The following E2F7 variants were observed in gnomAD, a reference collection of about 807,000 sequenced individuals.
E2F7 encodes transcription factor E2F7.
A neutral mutation model predicts 81.1 loss-of-function variants in E2F7; 35 were observed. That is an observed-to-expected ratio of 0.43 (90% CI 0.33 to 0.57). The LOEUF (loss-of-function observed/expected upper bound fraction) is 0.57, where lower values mean the gene tolerates loss of function less well. Ranked by LOEUF, E2F7 falls within the 20% of genes least tolerant of loss-of-function variation. The probability of loss-of-function intolerance (pLI) is 0.04; values close to 1 mark genes in which losing one functional copy is unlikely to be tolerated. For missense variants in E2F7, 961 were observed against 1,093.7 expected (o/e 0.88, Z 1.71); for synonymous variants, 416 against 416.2 (o/e 1.00, Z 0.01).
At chr12:77,057,238 C>A (rs889765439) in intron 2 of E2F7, among the ~76,000 whole-genome samples, 1 of 151,816 alleles carries the variant, frequency 6.6e-6, no homozygotes, top group Non-Finnish European at 1.5e-5. Context: ...CTGCACCCAG[C>A]TAATTTTTAA....
At chr12:77,042,018 A>C (rs935882280) in intron 7 of E2F7, among the ~76,000 whole-genome samples, 6 of 152,212 alleles carry the variant, frequency 3.9e-5, no homozygotes, top group Non-Finnish European at 8.8e-5. Context: ...GCTATCAGGA[A>C]AACTTCATAG....
chr12:77,044,941 C>G (rs1592561648), intron 5 of E2F7, 146 bp from the exon 6 acceptor site: 1 of 922,880 alleles, frequency 1.1e-6, no homozygotes, highest in East Asian at 2.7e-5. Flanking sequence ...ATACACATCA[C>G]AGAAGTCAGC....
chr12:77,032,484 A>G (rs1006762255), intron 9 of E2F7, among the ~76,000 whole-genome samples: 19 of 152,158 alleles, frequency 1.2e-4, no homozygotes, highest in Middle Eastern at 3.2e-3. Flanking sequence ...CTCTGGTGAC[A>G]CATGATTTCT....
intron 2 of E2F7, among the ~76,000 whole-genome samples, chr12:77,063,533 A>G (rs149209471): frequency 0.035 from 5,183 of 149,614 alleles, 128 homozygotes; most frequent in Non-Finnish European, 0.051. Flanking sequence ...ACTAATGGCA[A>G]TCTGGTTCAC....
chr12:77,045,927 T>C, intron 5 of E2F7, 111 bp downstream of exon 5: 1 of 1,344,718 alleles, frequency 7.4e-7, no homozygotes, highest in South Asian at 1.4e-5. Flanking sequence ...TAAGAGAACA[T>C]CTCCCTCCAG....
chr12:77,051,272 T>C (rs182117861), intron 3 of E2F7, among the ~76,000 whole-genome samples: 9 of 152,316 alleles, frequency 5.9e-5, no homozygotes, highest in African/African-American at 2.2e-4. Context: ...TATTTGTAAA[T>C]ACATTAAACT....
intron 7 of E2F7, among the ~76,000 whole-genome samples, chr12:77,034,328 C>T (rs1387891374): frequency 1.3e-5 from 2 of 151,908 alleles, no homozygotes; most frequent in Non-Finnish European, 2.9e-5. Context: ...TTCTTCAACC[C>T]GAATTAGAAT....
rs202120365 is a variant in E2F7 at position 77,024,009 on chromosome 12, G to C, written c.*6C>G. ...TGATCCCACCCCCACCTGGCAAAGC[G>C]GCAGGTTAGTCAGCGCCGCCGCTGG... On this transcript the variant is annotated 3_prime_UTR_variant, in exon 13 of 13. Transcript: ENST00000322886. 1,546 of 1,612,480 alleles carry C rather than the reference G, an allele frequency of 9.6e-4. 8 individuals carry two copies. In the South Asian group the frequency reaches 0.01, roughly 11 times the overall value.
intron 2 of E2F7, among the ~76,000 whole-genome samples, chr12:77,062,188 A>G (rs896568850): frequency 1.1e-4 from 17 of 152,184 alleles, no homozygotes; most frequent in Admixed American, 2.6e-4. Context: ...CAAAAACTCA[A>G]TGTGGGGAGT....
intron 2 of E2F7, among the ~76,000 whole-genome samples, chr12:77,057,432 ACT>A (rs913147433): frequency 2.0e-5 from 3 of 151,544 alleles, no homozygotes; most frequent in Admixed American, 6.6e-5. Context: ...TTCATCTCAA[ACT>A]CCTGGCTTCA....
intron 3 of E2F7, among the ~76,000 whole-genome samples, chr12:77,052,836 A>G (rs1298038610): frequency 6.6e-6 from 1 of 152,184 alleles, no homozygotes; most frequent in Non-Finnish European, 1.5e-5. Context: ...AAAAAAACCA[A>G]TTAAAATTGG....
Position 77,025,830 on chromosome 12 carries a change from G to A in E2F7, c.2293C>T (p.Pro765Ser), listed in dbSNP as rs765595160. ...PFPVLYSPAM[P>S]GPVSSTLGAL... ...CCAAGAGTAGAAGAAACCGGGCCCG[G>A]CATTGCAGGAGAATAGAGAACAGGA... is the stretch of plus-strand genomic sequence containing the variant. The change falls in exon 12 of 13, where the codon CCG becomes TCG. Residue 765 changes from proline to serine, a missense_variant. Pro to Ser is a moderately conservative substitution (Grantham distance 74). Transcript: ENST00000322886. The A allele has an allele frequency of 1.2e-6, 2 of 1,614,054 alleles. No homozygotes were observed. Among genetic ancestry groups the A allele is most frequent in the Non-Finnish European group, 1.7e-6 (2 of 1,179,986 alleles).
rs1955027473 is a variant in E2F7 at position 77,055,862 on chromosome 12, G to C, written c.362C>G (p.Ser121Cys). ...IENKDDAFTD[S>C]LQLDVVGDSA... ...GGAGCACAGTCTGTTTACCTGTAGAGAATCTGTAAATGCATCGTCCTTGTT... is the reference window on the plus strand; with the variant it reads ...GGAGCACAGTCTGTTTACCTGTAGACAATCTGTAAATGCATCGTCCTTGTT... The change falls in exon 3 of 13, where the codon TCT (serine) becomes TGT (cysteine). Residue 121 changes from serine (S) to cysteine (C), a missense_variant. By Grantham distance (112) the Ser-to-Cys change is moderately radical (BLOSUM62 -1). This residue lies in a region of E2F7 where 301 missense variants were observed against 405.0 expected (regional missense o/e 0.74). Coordinates refer to ENST00000322886, the MANE Select transcript of E2F7 (RefSeq NM_203394.3). 1.2e-6 allele frequency: 2 copies of C among 1,608,820 alleles called. No individual in the cohort carries two copies. Among genetic ancestry groups the C allele is most frequent in the East Asian group, 2.2e-5 (1 of 44,844 alleles).
At chr12:77,025,497 GC>G in intron 12 of E2F7, 60 bp downstream of exon 12, 1 of 1,566,306 alleles carries the variant, frequency 6.4e-7, no homozygotes, top group Non-Finnish European at 8.7e-7. Flanking sequence ...TAAAATGAAA[GC>G]TAAACACAGG....
chr12:77,035,496 A>C (rs1954841717), intron 7 of E2F7, among the ~76,000 whole-genome samples: 1 of 152,210 alleles, frequency 6.6e-6, no homozygotes, highest in African/African-American at 2.4e-5. Context: ...TGTACTAAAA[A>C]GGGTGTTGCC....
rs775551843 is a variant in E2F7, at chr12:77,044,677, T to A, written c.948A>T (p.Ile316=). The A allele has an allele frequency of 8.1e-6, 13 of 1,614,200 alleles. No individual in the cohort carries two copies. Among genetic ancestry groups the A allele is most frequent in the African/African-American group, 1.3e-5 (1 of 75,072 alleles). The change falls in exon 6 of 13, where the codon ATA becomes ATT. Residue 316 remains isoleucine (I), a synonymous_variant. Transcript: ENST00000322886. ...VTLDVAAKIL[I]EESQDAPDHS... ...GGTCTGGGGCATCTTGGCTTTCTTC[T>A]ATCAGTATTTTGGCAGCCACATCCA...
At chr12:77,041,653 G>T (rs1311493822) in intron 7 of E2F7, among the ~76,000 whole-genome samples, 4 of 152,064 alleles carry the variant, frequency 2.6e-5, no homozygotes, top group Admixed American at 1.3e-4. Flanking sequence ...TGATCACATT[G>T]TATCTCATTA....
chr12:77,026,055 A>G, intron 11 of E2F7, 73 bp from the exon 12 acceptor site: 2 of 1,467,236 alleles, frequency 1.4e-6, no homozygotes, highest in Non-Finnish European at 1.8e-6. Flanking sequence ...CACATTTGTC[A>G]TGGCCCTTTC....
intron 1 of E2F7, among the ~76,000 whole-genome samples, chr12:77,065,027 C>A (rs528539089): frequency 6.6e-6 from 1 of 152,158 alleles, no homozygotes; most frequent in Non-Finnish European, 1.5e-5. Context: ...GGTTTTGAAT[C>A]GGGGGAAGGA....
Sources: allele counts gnomAD v4.1 joint callset (sites outside exome capture counted in the v4.1 genomes callset), GRCh38; gene constraint gnomAD v4.1.1; regional missense constraint gnomAD v4.1.1; transcripts MANE v1.5; gene names NCBI Gene and HGNC (gene_info 2026-07-23, HGNC 2026-07-21).